The following MAPK10 variants were observed in gnomAD, a reference collection of about 807,000 sequenced individuals.
MAPK10 encodes the protein JNK3 alpha protein kinase.
A neutral mutation model predicts 59.3 loss-of-function variants in MAPK10; 25 were observed. That is an observed-to-expected ratio of 0.42 (90% CI 0.31 to 0.59). The LOEUF is 0.59. Among genes scored for constraint, MAPK10 ranks in the 20% least tolerant of loss-of-function variants. MAPK10 has a pLI of 0.15. For missense variants in MAPK10, 351 were observed against 568.9 expected (o/e 0.62, Z 3.90); for synonymous variants, 190 against 200.5 (o/e 0.95, Z 0.44).
chr4:86,399,348 A>C (rs1404388153), intron 1 of MAPK10, among the ~76,000 whole-genome samples: 1 of 152,152 alleles, frequency 6.6e-6, no homozygotes, highest in African/African-American at 2.4e-5. Context: ...CATTTCTCTG[A>C]TGACTAATGA....
At chr4:86,033,995 G>A (rs1191124107) in intron 11 of MAPK10, among the ~76,000 whole-genome samples, 1 of 151,988 alleles carries the variant, frequency 6.6e-6, no homozygotes, top group African/African-American at 2.4e-5. Context: ...GCACTCGCTT[G>A]TGCTCTTTCC....
chr4:86,339,634 G>A (rs141103893), intron 2 of MAPK10, among the ~76,000 whole-genome samples: 1,555 of 152,266 alleles, frequency 0.01, 17 homozygotes, highest in African/African-American at 0.035. Context: ...TTCTCTCACT[G>A]TAGGACCTTG....
At chr4:86,317,551 A>G (rs977466717) in intron 2 of MAPK10, among the ~76,000 whole-genome samples, 2 of 152,316 alleles carry the variant, frequency 1.3e-5, no homozygotes, top group African/African-American at 4.8e-5. Context: ...AATCTACTAT[A>G]AATTCCTTTA....
intron 2 of MAPK10, among the ~76,000 whole-genome samples, chr4:86,218,945 C>A (rs762934634): frequency 1.3e-5 from 2 of 152,214 alleles, no homozygotes; most frequent in Non-Finnish European, 2.9e-5. Flanking sequence ...ATGGAAGCGG[C>A]TTTACCCAGG....
rs189624446 is a variant in MAPK10 at position 86,168,300 on chromosome 4, T to C, written c.67-8833A>G. Among the ~76,000 whole-genome samples the C allele has an allele frequency of 5.5e-3, 839 of 152,278 alleles. 5 individuals carry two copies. The highest frequency in any genetic ancestry group is 0.019 in the African/African-American group (770 of 41,570). ...AAGTGCAAGGGTCAGGGAGTTCCCT[T>C]TCCTAGTCAAAGAAAGGGGTGACAG... On this transcript the variant is annotated intron_variant, in intron 3 of 13. Transcript: ENST00000641462.
intron 2 of MAPK10, among the ~76,000 whole-genome samples, chr4:86,345,846 G>A (rs1398689642): frequency 6.6e-6 from 1 of 152,176 alleles, no homozygotes; most frequent in Non-Finnish European, 1.5e-5. Flanking sequence ...ATTCAAATGT[G>A]GTTTTAGTAC....
intron 1 of MAPK10, among the ~76,000 whole-genome samples, chr4:86,375,303 A>G (rs1263430942): frequency 6.6e-6 from 1 of 152,222 alleles, no homozygotes; most frequent in Admixed American, 6.5e-5. Context: ...GATCTACAAT[A>G]CAAATAGAAA....
chr4:86,120,450 G>A (rs2149111793), intron 4 of MAPK10: 1 of 152,172 alleles, frequency 6.6e-6, no homozygotes, highest in Middle Eastern at 3.2e-3. Context: ...AAAAACATGG[G>A]ACCAGCTCAG....
At chr4:86,245,385 C>G (rs1251508103) in intron 2 of MAPK10, among the ~76,000 whole-genome samples, 1 of 151,026 alleles carries the variant, frequency 6.6e-6, no homozygotes, top group African/African-American at 2.4e-5. Flanking sequence ...GATCACAGCT[C>G]ACTGCAGCCT....
chr4:86,169,680 C>A (rs541621786), intron 3 of MAPK10, among the ~76,000 whole-genome samples: 136 of 151,890 alleles, frequency 9.0e-4, no homozygotes, highest in African/African-American at 3.3e-3. Flanking sequence ...TGTAGCAAGG[C>A]AGGCCAACAT....
At chr4:86,215,582 C>G (rs769900912) in intron 2 of MAPK10, among the ~76,000 whole-genome samples, 9 of 152,178 alleles carry the variant, frequency 5.9e-5, no homozygotes, top group Non-Finnish European at 1.3e-4. Context: ...TTCAAGTTGG[C>G]AGGGCACAGT....
At chr4:86,338,913 G>A (rs941779296) in intron 2 of MAPK10, among the ~76,000 whole-genome samples, 2 of 151,852 alleles carry the variant, frequency 1.3e-5, no homozygotes, top group African/African-American at 2.4e-5. Flanking sequence ...GTATTAAAAC[G>A]TTTTACATTC....
At chr4:86,564,198 G>C (rs1350815097) in intron 1 of MAPK10, among the ~76,000 whole-genome samples, 1 of 152,074 alleles carries the variant, frequency 6.6e-6, no homozygotes, top group Non-Finnish European at 1.5e-5. Context: ...GTTGACCATG[G>C]GTAATTAAAA....
intron 3 of MAPK10, among the ~76,000 whole-genome samples, chr4:86,190,407 C>T (rs190172332): frequency 2.0e-4 from 31 of 152,204 alleles, no homozygotes; most frequent in South Asian, 1.9e-3. Context: ...CTATTAATTA[C>T]TGCCTCAATT....
intron 1 of MAPK10, among the ~76,000 whole-genome samples, chr4:86,589,000 G>T (rs548293614): frequency 3.9e-4 from 60 of 152,200 alleles, no homozygotes; most frequent in African/African-American, 1.2e-3. Context: ...TCGTTTCTGT[G>T]GGGGGAAAGC....
At chr4:86,356,996 C>T (rs1343747586) in intron 1 of MAPK10, 2 of 152,194 alleles carry the variant, frequency 1.3e-5, no homozygotes, top group Non-Finnish European at 2.9e-5. Context: ...CTACTGGACA[C>T]TTCCGTGCCT....
chr4:86,080,028 A>G (rs1022045673), intron 9 of MAPK10: 1 of 152,084 alleles, frequency 6.6e-6, no homozygotes, highest in African/African-American at 2.4e-5. Context: ...AAGAATTTTT[A>G]TCTGTTTTGT....
chr4:86,146,828 T>C (rs1365335275), intron 4 of MAPK10, among the ~76,000 whole-genome samples: 1 of 152,304 alleles, frequency 6.6e-6, no homozygotes, highest in South Asian at 2.1e-4. Flanking sequence ...TCCTAACCAA[T>C]GTATATGAAC....
At chr4:86,195,667 A>G in intron 2 of MAPK10, among the ~76,000 whole-genome samples, 1 of 152,104 alleles carries the variant, frequency 6.6e-6, no homozygotes, top group East Asian at 1.9e-4. Context: ...GGTTTGCTGC[A>G]CCCATCAACC....
Sources: gnomAD v4.1 joint callset for allele counts (sites outside exome capture counted in the v4.1 genomes callset) on GRCh38, gnomAD v4.1.1 for gene constraint, MANE v1.5 for transcripts, NCBI Gene and HGNC (gene_info 2026-07-23, HGNC 2026-07-21) for gene names.